The following ATP8A1 variants were observed in gnomAD, a reference collection of about 807,000 sequenced individuals.
The protein encoded by ATP8A1 is phospholipid-transporting ATPase IA.
Under a neutral mutation model 177.7 loss-of-function variants are expected in ATP8A1, and 90 were observed. The ratio of observed to expected loss-of-function variants is 0.51; its 90% CI spans 0.43 to 0.60. The LOEUF (loss-of-function observed/expected upper bound fraction) is 0.60, where lower values mean the gene tolerates loss of function less well. Ranked by LOEUF, ATP8A1 falls within the 20% of genes least tolerant of loss-of-function variation. ATP8A1 has a pLI of 0.00. For missense variants in ATP8A1, 1,072 were observed against 1,392.8 expected (o/e 0.77, Z 3.67); for synonymous variants, 493 against 485.9 (o/e 1.01, Z -0.19).
At chr4:42,623,821 A>G (rs981300218) in intron 4 of ATP8A1, among the ~76,000 whole-genome samples, 2 of 152,172 alleles carry the variant, frequency 1.3e-5, no homozygotes, top group African/African-American at 4.8e-5. Context: ...ACGTTTACCT[A>G]TGTAACAACC....
chr4:42,603,049 ATACT>A (rs1735457296), intron 5 of ATP8A1, among the ~76,000 whole-genome samples: 1 of 152,044 alleles, frequency 6.6e-6, no homozygotes, highest in Non-Finnish European at 1.5e-5. Flanking sequence ...CCCAATAGTA[ATACT>A]TAGTTTTTTT....
At chr4:42,471,169 G>T (rs1400019698) in intron 25 of ATP8A1, among the ~76,000 whole-genome samples, 2 of 152,166 alleles carry the variant, frequency 1.3e-5, no homozygotes, top group Admixed American at 1.3e-4. Context: ...TACATAGCAA[G>T]TCTTAAAAAT....
At chr4:42,461,262 T>C (rs971212560) in intron 27 of ATP8A1, among the ~76,000 whole-genome samples, 3 of 147,414 alleles carry the variant, frequency 2.0e-5, no homozygotes, top group African/African-American at 7.5e-5. Flanking sequence ...TTTTTTTTTT[T>C]GCTTTTTGCT....
chr4:42,636,964 C>T (rs1739456567), intron 1 of ATP8A1, among the ~76,000 whole-genome samples: 1 of 152,198 alleles, frequency 6.6e-6, no homozygotes, highest in African/African-American at 2.4e-5. Flanking sequence ...ATTCCAGGAG[C>T]TACTCCACCC....
chr4:42,582,138 C>T (rs532056325), intron 9 of ATP8A1, among the ~76,000 whole-genome samples: 1 of 152,232 alleles, frequency 6.6e-6, no homozygotes, highest in South Asian at 2.1e-4. Context: ...TTACTCTTGT[C>T]CTTGTGAGGA....
intron 4 of ATP8A1, among the ~76,000 whole-genome samples, chr4:42,620,008 CTT>C (rs151090524): frequency 0.015 from 2,343 of 152,224 alleles, 40 homozygotes; most frequent in Non-Finnish European, 0.022. Context: ...GAAAAATAAA[CTT>C]ATATATTAAG....
intron 1 of ATP8A1, among the ~76,000 whole-genome samples, chr4:42,638,402 G>A (rs1433406353): frequency 6.6e-6 from 1 of 152,182 alleles, no homozygotes; most frequent in African/African-American, 2.4e-5. Context: ...CTAAGTGGTG[G>A]ATTCTAAAGA....
chr4:42,575,025 G>C (rs1292323416), intron 13 of ATP8A1, among the ~76,000 whole-genome samples: 1 of 152,172 alleles, frequency 6.6e-6, no homozygotes, highest in Non-Finnish European at 1.5e-5. Context: ...ACAGCTATCA[G>C]CATTTCTCAA....
chr4:42,656,835 C>T lies in ATP8A1; in HGVS notation c.39G>A (p.Ser13=). 4 of 1,582,114 alleles carry T rather than the reference C, an allele frequency of 2.5e-6. No individual in the cohort carries two copies. Among genetic ancestry groups the T allele is most frequent in the Non-Finnish European group, 3.4e-6 (4 of 1,164,388 alleles). Residue 13 remains serine (S), a synonymous_variant, in exon 1 of 37, where the codon TCG becomes TCA. Transcript: ENST00000381668. ...TCGGCGGCCCCTTACCTTCGGCGCG[C>T]GAGCGGATCTCCGACACGGTCCTCC... The part of the protein sequence containing the change: ...TMRRTVSEIR[S]RAEGYEKTDD...
intron 5 of ATP8A1, among the ~76,000 whole-genome samples, 177 bp from the exon 6 acceptor site, chr4:42,600,695 A>T (rs1343434460): frequency 6.6e-6 from 1 of 152,238 alleles, no homozygotes; most frequent in Admixed American, 6.5e-5. Flanking sequence ...AATTAGAAAC[A>T]ACCAATGTAT....
At chr4:42,513,874 A>G (rs987675175) in intron 22 of ATP8A1, among the ~76,000 whole-genome samples, 1 of 152,192 alleles carries the variant, frequency 6.6e-6, no homozygotes, top group African/African-American at 2.4e-5. Context: ...TGCAGTCACC[A>G]TTCTCTTGAG....
rs570436330 is a variant in ATP8A1 at position 42,637,331 on chromosome 4, G to A, written c.50-10222C>T. Among the ~76,000 whole-genome samples the A allele has an allele frequency of 1.6e-4, 25 of 152,318 alleles. No individual in the cohort carries two copies. The South Asian group carries it at 4.8e-3, about 29-fold the overall frequency. On this transcript the variant is annotated intron_variant, in intron 1 of 36. Coordinates refer to ENST00000381668, the MANE Select transcript of ATP8A1 (RefSeq NM_006095.2). ...GAGTCCAGCACGTTCTGGGACAACT[G>A]TGGATTGCAACTCTAAGGAACTTGC...
intron 19 of ATP8A1, among the ~76,000 whole-genome samples, chr4:42,544,699 T>G (rs962152248): frequency 6.6e-6 from 1 of 152,192 alleles, no homozygotes; most frequent in Non-Finnish European, 1.5e-5. Flanking sequence ...ATTTGGACCA[T>G]GAGTGTGTAA....
At chr4:42,514,927 GA>G (rs1326213087) in intron 22 of ATP8A1, among the ~76,000 whole-genome samples, 1 of 152,104 alleles carries the variant, frequency 6.6e-6, no homozygotes, top group Non-Finnish European at 1.5e-5. Context: ...AGTATACTAG[GA>G]AAAAATGTTG....
intron 19 of ATP8A1, among the ~76,000 whole-genome samples, chr4:42,547,642 G>A (rs1370030104): frequency 6.6e-6 from 1 of 152,180 alleles, no homozygotes; most frequent in Non-Finnish European, 1.5e-5. Flanking sequence ...TGAAAAGAAA[G>A]AGACGAGGAG....
chr4:42,425,482 C>T (rs377594114), intron 33 of ATP8A1, among the ~76,000 whole-genome samples: 1 of 151,740 alleles, frequency 6.6e-6, no homozygotes, highest in African/African-American at 2.4e-5. Context: ...TTTTCTTTTG[C>T]AGAGTTAATC....
At chr4:42,547,486 A>G (rs372296386) in intron 19 of ATP8A1, among the ~76,000 whole-genome samples, 4 of 152,202 alleles carry the variant, frequency 2.6e-5, no homozygotes, top group African/African-American at 7.2e-5. Flanking sequence ...ACCCTGCTTT[A>G]TTTTTTTCTT....
At chr4:42,581,932 C>T (rs1733127074) in intron 9 of ATP8A1, among the ~76,000 whole-genome samples, 200 bp from the exon 10 acceptor site, 1 of 152,134 alleles carries the variant, frequency 6.6e-6, no homozygotes, top group Non-Finnish European at 1.5e-5. Flanking sequence ...TTAACACCAA[C>T]CAGTCATTTT....
At chr4:42,628,073 G>C (rs1157071284) in intron 1 of ATP8A1, among the ~76,000 whole-genome samples, 4 of 152,086 alleles carry the variant, frequency 2.6e-5, no homozygotes, top group Non-Finnish European at 5.9e-5. Context: ...AACTCCCTAG[G>C]GCCATAGAGG....
Sources: allele counts gnomAD v4.1 joint callset (sites outside exome capture counted in the v4.1 genomes callset), GRCh38; gene constraint gnomAD v4.1.1; transcripts MANE v1.5; gene names NCBI Gene and HGNC (gene_info 2026-07-23, HGNC 2026-07-21).